Variants in DOCK3 observed in about 807,000 individuals in gnomAD.
DOCK3 encodes dedicator of cytokinesis 3, also known as dedicator of cytokinesis protein 3.
DOCK3 carries 60 observed loss-of-function variants against 265.6 expected under a neutral mutation model. The observed-to-expected ratio is 0.23, with a 90% CI of 0.18 to 0.28. DOCK3 has a LOEUF of 0.28. DOCK3 is among the 10% of genes least tolerant of loss of function. The pLI is 1.00. For missense variants in DOCK3, 1,981 were observed against 2,594.3 expected (o/e 0.76, Z 5.14); for synonymous variants, 881 against 938.0 (o/e 0.94, Z 1.11).
At chr3:50,919,869 A>T (rs546824864) in intron 4 of DOCK3, among the ~76,000 whole-genome samples, 12 of 152,258 alleles carry the variant, frequency 7.9e-5, no homozygotes, top group South Asian at 4.2e-4. Context: ...CCATTCAGTA[A>T]GATATTGGCT....
chr3:50,940,932 A>C (rs2076274195), intron 5 of DOCK3, among the ~76,000 whole-genome samples: 1 of 152,186 alleles, frequency 6.6e-6, no homozygotes, highest in South Asian at 2.1e-4. Flanking sequence ...AAGTTAACTC[A>C]AAATGGATTA....
At chr3:50,771,959 G>A (rs915607899) in intron 1 of DOCK3, among the ~76,000 whole-genome samples, 2 of 152,184 alleles carry the variant, frequency 1.3e-5, no homozygotes, top group African/African-American at 4.8e-5. Context: ...CCCAAAGAGA[G>A]GAAATCAATA....
chr3:50,988,186 C>T (rs2077972976), intron 5 of DOCK3, among the ~76,000 whole-genome samples: 1 of 152,122 alleles, frequency 6.6e-6, no homozygotes, highest in Non-Finnish European at 1.5e-5. Context: ...TTAGCCATTC[C>T]AGCCTTTGGG....
At chr3:51,125,651 G>A (rs2084232687) in intron 9 of DOCK3, among the ~76,000 whole-genome samples, 1 of 152,090 alleles carries the variant, frequency 6.6e-6, no homozygotes, top group Non-Finnish European at 1.5e-5. Flanking sequence ...TATTCTTAGA[G>A]GACTTCCATA....
intron 9 of DOCK3, among the ~76,000 whole-genome samples, chr3:51,123,655 G>A (rs1294047865): frequency 6.6e-6 from 1 of 152,198 alleles, no homozygotes; most frequent in East Asian, 1.9e-4. Flanking sequence ...CATTATGTGT[G>A]TGATATTTCA....
intron 5 of DOCK3, among the ~76,000 whole-genome samples, chr3:51,020,749 T>C (rs1377573285): frequency 6.6e-6 from 1 of 152,004 alleles, no homozygotes; most frequent in Non-Finnish European, 1.5e-5. Context: ...TACTTGTTTT[T>C]GTCAGGTTTG....
chr3:51,381,442 G>T lies in DOCK3; in HGVS notation c.5976G>T (p.Leu1992=). The change falls in exon 53 of 53, where the codon CTG becomes CTT. Residue 1992 remains leucine, a synonymous_variant. Transcript: ENST00000266037. The surrounding 1 kb of genome is among the most constrained non-coding windows in gnomAD (Gnocchi z 5.6). The part of the protein sequence containing the change: ...LPALEHDEGV[L]LREETERPRG... ...CCCTGGAGCACGATGAGGGGGTGCT[G>T]CTGCGTGAAGAGACTGAGAGGCCTC... 1 of 1,608,632 alleles carries T rather than the reference G, an allele frequency of 6.2e-7. No individual in the cohort carries two copies. Among genetic ancestry groups the T allele is most frequent in the Non-Finnish European group, 8.5e-7 (1 of 1,178,058 alleles).
intron 32 of DOCK3, 44 bp downstream of exon 32, chr3:51,315,172 C>G (rs756706226): frequency 4.8e-5 from 74 of 1,528,324 alleles, no homozygotes; most frequent in Non-Finnish European, 8.8e-6. Context: ...GGAATGGATC[C>G]CTTCTGCTTA....
At chr3:50,767,574 G>A (rs759757055) in intron 1 of DOCK3, among the ~76,000 whole-genome samples, 11 of 152,058 alleles carry the variant, frequency 7.2e-5, no homozygotes, top group Non-Finnish European at 1.5e-4. Context: ...CTTTGTTCTT[G>A]TGGCTTAGGA....
At chr3:51,237,416 A>G in intron 20 of DOCK3, 74 bp from the exon 21 acceptor site, 1 of 1,262,010 alleles carries the variant, frequency 7.9e-7, no homozygotes, top group Non-Finnish European at 1.1e-6. Flanking sequence ...TGGAGAAGGA[A>G]GACTCTGTTT....
intron 46 of DOCK3, among the ~76,000 whole-genome samples, chr3:51,358,529 T>C (rs1308541100): frequency 6.6e-6 from 1 of 152,192 alleles, no homozygotes; most frequent in Non-Finnish European, 1.5e-5. Context: ...CTCCCTCTAA[T>C]CGTTCTCTTT....
At chr3:51,016,571 ATATT>A (rs2079269138) in intron 5 of DOCK3, among the ~76,000 whole-genome samples, 1 of 90,270 alleles carries the variant, frequency 1.1e-5, no homozygotes, top group Admixed American at 1.8e-4. Flanking sequence ...TATTATATAT[ATATT>A]TATATATATC....
chr3:51,174,454 G>A (rs991368744), intron 12 of DOCK3, among the ~76,000 whole-genome samples: 2 of 152,112 alleles, frequency 1.3e-5, no homozygotes, highest in Non-Finnish European at 2.9e-5. Context: ...GGGCCACAGA[G>A]CAAGACTCTT....
chr3:51,236,208 A>G (rs967673868), intron 19 of DOCK3, 137 bp from the exon 20 acceptor site: 2 of 705,230 alleles, frequency 2.8e-6, no homozygotes, highest in Non-Finnish European at 4.9e-6. Context: ...GGGTACTAGT[A>G]CGATGATTTT....
intron 4 of DOCK3, among the ~76,000 whole-genome samples, chr3:50,919,932 C>T (rs1238022037): frequency 6.6e-6 from 1 of 152,064 alleles, no homozygotes; most frequent in African/African-American, 2.4e-5. Flanking sequence ...CAATCAATAC[C>T]TAGTTTATTG....
chr3:50,991,772 A>G (rs547724677), intron 5 of DOCK3, among the ~76,000 whole-genome samples: 4 of 152,314 alleles, frequency 2.6e-5, no homozygotes, highest in Admixed American at 1.3e-4. Context: ...TCCACCAAAA[A>G]AAAACAACAG....
chr3:51,143,468 C>T (rs888191848), intron 9 of DOCK3, among the ~76,000 whole-genome samples: 1 of 152,102 alleles, frequency 6.6e-6, no homozygotes, highest in East Asian at 1.9e-4. Flanking sequence ...CAGGGTTTCA[C>T]TATGTTGGCC....
chr3:51,315,744 T>G (rs941064303), intron 32 of DOCK3, among the ~76,000 whole-genome samples: 6 of 152,126 alleles, frequency 3.9e-5, no homozygotes, highest in Admixed American at 6.5e-5. Context: ...AATAAATAAC[T>G]TGCTAACAGC....
chr3:51,233,363 T>TTATTTA (rs2078219350), intron 19 of DOCK3, among the ~76,000 whole-genome samples: 3 of 149,334 alleles, frequency 2.0e-5, no homozygotes, highest in African/African-American at 4.9e-5. Context: ...TCTATCTATT[T>TTATTTA]ATTTATTTAT....
Sources: allele counts gnomAD v4.1 joint callset (sites outside exome capture counted in the v4.1 genomes callset), GRCh38; gene constraint gnomAD v4.1.1; non-coding constraint Gnocchi (gnomAD v3.1); transcripts MANE v1.5; gene names NCBI Gene and HGNC (gene_info 2026-07-23, HGNC 2026-07-21).